The following UBA52 variants were observed in gnomAD, a reference collection of about 807,000 sequenced individuals.
The protein encoded by UBA52 is ubiquitin A-52 residue ribosomal protein fusion product 1.
Under a neutral mutation model 15.3 loss-of-function variants are expected in UBA52, and 1 was observed. The ratio of observed to expected loss-of-function variants is 0.07; its 90% CI spans 0.02 to 0.31. UBA52 has a LOEUF of 0.31. Among genes scored for constraint, UBA52 ranks in the 10% least tolerant of loss-of-function variants. UBA52 has a pLI of 1.00. For synonymous variants in UBA52, 50 were observed against 58.3 expected (o/e 0.86, Z 0.65); for missense variants, 87 against 168.0 (o/e 0.52, Z 2.66).
chr19:18,570,932 A>G (rs1024395372), upstream of UBA52, among the ~76,000 whole-genome samples: 1 of 150,018 alleles, frequency 6.7e-6, no homozygotes, highest in African/African-American at 2.5e-5. Context: ...GGTGATCCGC[A>G]CATCTCGGCC....
intron 1 of UBA52, chr19:18,572,677 C>A: frequency 2.1e-6 from 1 of 467,144 alleles, no homozygotes; most frequent in Non-Finnish European, 2.8e-6. Context: ...CAATGCTTGG[C>A]AGGTGGTTGG....
chr19:18,573,510 C>T (rs1975613350), intron 2 of UBA52, 107 bp downstream of exon 2: 5 of 1,292,766 alleles, frequency 3.9e-6, no homozygotes, highest in Non-Finnish European at 5.5e-6. Context: ...TCTGTTTTGC[C>T]CTTGCTTCTC....
At chr19:18,570,507 C>CCTTTTTTTTTTTT (rs1555752290), upstream of UBA52, among the ~76,000 whole-genome samples, 6 of 44,786 alleles carry the variant, frequency 1.3e-4, 2 homozygotes, top group African/African-American at 6.7e-5. Flanking sequence ...CGCCGTGGCA[C>CCTTTTTTTTTTTT]TTTTTTTTTT....
upstream of UBA52, chr19:18,568,325 G>A: frequency 2.8e-6 from 3 of 1,078,586 alleles, no homozygotes; most frequent in Non-Finnish European, 4.2e-6. Context: ...AGCCGTTAGG[G>A]GTCACATGGA....
At chr19:18,564,101 G>T in the UBA52 span, among the ~76,000 whole-genome samples, 566 of 152,016 alleles carry the variant, frequency 3.7e-3, 6 homozygotes, top group African/African-American at 0.013. Flanking sequence ...TGGCAAGGCT[G>T]GTCTCGAACT....
the UBA52 span, chr19:18,564,947 C>T: frequency 1.8e-5 from 29 of 1,612,996 alleles, no homozygotes; most frequent in African/African-American, 1.3e-4. Context: ...AGCAGATGAG[C>T]GAACGCTTCC....
chr19:18,566,487 C>T, the UBA52 span, among the ~76,000 whole-genome samples: 3 of 149,642 alleles, frequency 2.0e-5, no homozygotes, highest in Non-Finnish European at 4.4e-5. Flanking sequence ...TAGTGCTAGA[C>T]ACATAATGAA....
In UBA52 at chr19:18,575,229, A is replaced by G; in HGVS notation, c.*79A>G. ...CCTCAATAAAGTGTCCCTTTCATTG[A>G]CTGGAGCAGCAATTGGTGTCCTCAT... On this transcript the variant is annotated 3_prime_UTR_variant, in exon 5 of 5. Coordinates refer to ENST00000442744, the MANE Select transcript of UBA52 (RefSeq NM_001033930.3). 6.4e-7 allele frequency: 1 copy of G among 1,551,958 alleles called. No individual in the cohort carries two copies. The highest frequency in any genetic ancestry group is 1.1e-5 in the South Asian group (1 of 88,126).
the UBA52 span, among the ~76,000 whole-genome samples, chr19:18,566,450 C>G: frequency 1.9e-5 from 2 of 106,094 alleles, no homozygotes; most frequent in Non-Finnish European, 4.3e-5. Flanking sequence ...AGCGAGACTC[C>G]GTCTCAAAAA....
upstream of UBA52, chr19:18,568,582 C>A (rs1426358662): frequency 6.2e-7 from 1 of 1,613,232 alleles, no homozygotes; most frequent in Non-Finnish European, 8.5e-7. Flanking sequence ...GGCTCCCCAG[C>A]CATCAACGGC....
chr19:18,574,994 G>C, intron 4 of UBA52, 22 bp downstream of exon 4: 1 of 1,614,202 alleles, frequency 6.2e-7, no homozygotes, highest in Non-Finnish European at 8.5e-7. Flanking sequence ...CCGATGCTTG[G>C]GGGGCTGTGG....
Position 18,576,975 on chromosome 19 carries a change from A to ATTTATT in UBA52, c.*1828_*1829insATTTTT, listed in dbSNP as rs1555755070. On this transcript the variant is annotated 3_prime_UTR_variant, in exon 5 of 5. Transcript: ENST00000442744. ...AAGCCACAGCGCCTGGCCTTGCTAC[A>ATTTATT]TTTTTTTTTTTTTTTTTTTTTTTAC... 1.8e-5 allele frequency: 2 copies of ATTTATT among 113,060 alleles called. No homozygotes were observed. The highest frequency in any genetic ancestry group is 3.5e-5 in the Non-Finnish European group (2 of 56,918). 7.0% of individuals were successfully genotyped at this position (113,060 alleles called of 1,614,324 possible).
chr19:18,566,776 G>C (rs1283277260), upstream of UBA52, among the ~76,000 whole-genome samples: 1 of 151,568 alleles, frequency 6.6e-6, no homozygotes, highest in South Asian at 2.1e-4. Context: ...CTGGGCGACA[G>C]AGTGAGATTC....
intron 3 of UBA52, among the ~76,000 whole-genome samples, chr19:18,574,208 C>T (rs1395857075): frequency 1.3e-4 from 11 of 87,280 alleles, no homozygotes; most frequent in African/African-American, 3.4e-4. Flanking sequence ...TGCTTGAACT[C>T]GGGAGACAAA....
chr19:18,573,127 C>G, intron 1 of UBA52, 166 bp from the exon 2 acceptor site: 1 of 1,123,548 alleles, frequency 8.9e-7, no homozygotes, highest in Non-Finnish European at 1.3e-6. Context: ...GTGTGAGAAG[C>G]CTAGCAGGGC....
At chr19:18,565,483 TG>T in the UBA52 span, among the ~76,000 whole-genome samples, 1 of 152,118 alleles carries the variant, frequency 6.6e-6, no homozygotes, top group Non-Finnish European at 1.5e-5. Flanking sequence ...CCAGCCGCCT[TG>T]GCCTCCCAAA....
upstream of UBA52, among the ~76,000 whole-genome samples, chr19:18,567,860 C>T (rs533534653): frequency 5.3e-5 from 8 of 152,300 alleles, no homozygotes; most frequent in Admixed American, 3.9e-4. Context: ...GAGCCAGGTT[C>T]GCCCTCAGGG....
intron 3 of UBA52, 38 bp from the exon 4 acceptor site, chr19:18,574,832 C>T (rs1203626252): frequency 1.2e-6 from 2 of 1,608,322 alleles, no homozygotes; most frequent in South Asian, 1.1e-5. Flanking sequence ...GGAGCCAGGG[C>T]TGGGCTCAGT....
chr19:18,574,255 A>G (rs975900842), intron 3 of UBA52, among the ~76,000 whole-genome samples: 2 of 151,142 alleles, frequency 1.3e-5, no homozygotes, highest in African/African-American at 2.4e-5. Context: ...TTATCACTGC[A>G]ATAAGGAAAT....
Sources: gnomAD v4.1 joint callset for allele counts (sites outside exome capture counted in the v4.1 genomes callset) on GRCh38, gnomAD v4.1.1 for gene constraint, MANE v1.5 for transcripts, NCBI Gene and HGNC (gene_info 2026-07-23, HGNC 2026-07-21) for gene names.